ANAPC4: variants seen among roughly 807,000 people sequenced by gnomAD.
ANAPC4 encodes the protein anaphase promoting complex subunit 4, also known as anaphase-promoting complex subunit 4.
In ANAPC4, 63 loss-of-function variants were observed where a neutral mutation model predicts 119.8. The ratio of observed to expected loss-of-function variants is 0.53; its 90% CI spans 0.43 to 0.65. ANAPC4 has a LOEUF of 0.65. Ranked by LOEUF, ANAPC4 falls within the 30% of genes least tolerant of loss-of-function variation. The pLI is 0.00. For synonymous variants in ANAPC4, 283 were observed against 318.6 expected (o/e 0.89, Z 1.19); for missense variants, 716 against 945.1 (o/e 0.76, Z 3.18).
At chr4:25,399,998 G>A (rs73806547) in intron 16 of ANAPC4, among the ~76,000 whole-genome samples, 271 of 152,328 alleles carry the variant, frequency 1.8e-3, no homozygotes, top group African/African-American at 6.3e-3. Flanking sequence ...GAAACACCAA[G>A]AATAGAATAG....
At chr4:25,414,774 C>T (rs1723770803) in intron 25 of ANAPC4, 74 bp downstream of exon 25, 1 of 1,281,908 alleles carries the variant, frequency 7.8e-7, no homozygotes, top group African/African-American at 1.5e-5. Context: ...TACAGCCTTC[C>T]AGCATTTCAG....
chr4:25,390,311 T>C (rs1334044511), intron 8 of ANAPC4, 91 bp downstream of exon 8: 9 of 904,346 alleles, frequency 1.0e-5, no homozygotes, highest in Non-Finnish European at 1.5e-5. Context: ...CTAGGTTTTT[T>C]TTCAGTTTCG....
chr4:25,391,158 A>G, intron 9 of ANAPC4, 143 bp downstream of exon 9: 1 of 602,854 alleles, frequency 1.7e-6, no homozygotes, highest in South Asian at 2.3e-5. Context: ...ATCCTAATAT[A>G]CTGAGTGTTA....
intron 26 of ANAPC4, 29 bp downstream of exon 26, chr4:25,415,569 T>C (rs200933168): frequency 6.4e-6 from 10 of 1,564,708 alleles, no homozygotes; most frequent in Admixed American, 1.7e-5. Flanking sequence ...TTGGATGAAA[T>C]GTAGATACAT....
chr4:25,381,530 T>C (rs2109109196), intron 3 of ANAPC4, among the ~76,000 whole-genome samples: 2 of 152,246 alleles, frequency 1.3e-5, no homozygotes, highest in South Asian at 2.1e-4. Flanking sequence ...CAGGCTGGTC[T>C]CGAACGCCTG....
rs865990308 is a variant in ANAPC4 at position 25,385,661 on chromosome 4, T to G, written c.368+2268T>G. Among the ~76,000 whole-genome samples the G allele has an allele frequency of 1.6e-4, 24 of 152,370 alleles. 1 individual carries two copies. In the South Asian group the frequency reaches 2.3e-3, roughly 14 times the overall value. On this transcript the variant is annotated intron_variant, in intron 4 of 28. Transcript: ENST00000315368. ...GAACTTTTCCTTTGAATTCACAACTTGGAGGACTGGCAAAAGAAGCCTAGC... is the reference window on the plus strand; with the variant it reads ...GAACTTTTCCTTTGAATTCACAACTGGGAGGACTGGCAAAAGAAGCCTAGC...
intron 22 of ANAPC4, 198 bp downstream of exon 22, chr4:25,413,940 T>A: frequency 1.9e-6 from 1 of 530,522 alleles, no homozygotes; most frequent in South Asian, 3.0e-5. Flanking sequence ...CGTGTGTGTG[T>A]GTGTGTGTGT....
chr4:25,384,916 C>A (rs1318727270), intron 4 of ANAPC4, among the ~76,000 whole-genome samples: 2 of 152,138 alleles, frequency 1.3e-5, no homozygotes, highest in African/African-American at 4.8e-5. Context: ...TATCAGAGCT[C>A]TTGGGTGACC....
chr4:25,407,920 G>A (rs1168127847), intron 20 of ANAPC4, among the ~76,000 whole-genome samples: 1 of 151,928 alleles, frequency 6.6e-6, no homozygotes, highest in African/African-American at 2.4e-5. Context: ...AGAAAAAAAA[G>A]AATATACCCA....
In ANAPC4 at chr4:25,407,253, G is replaced by A; in HGVS notation, c.1431G>A (p.Gln477=). 1 of 1,605,056 alleles carries A rather than the reference G, an allele frequency of 6.2e-7. No individual in the cohort carries two copies. Among genetic ancestry groups the A allele is most frequent in the Non-Finnish European group, 8.5e-7 (1 of 1,177,032 alleles). ...GKYFNVERVG[Q]YLKDEDDDLV... is the part of the protein sequence containing the mutation. ...ACTTTAACGTTGAAAGAGTTGGTCA[G>A]GTATGGGCTTTGAACTCATTTTAAA... Residue 477 remains glutamine, a splice_region_variant and synonymous_variant, in exon 20 of 29, where the codon CAG becomes CAA. Transcript: ENST00000315368.
chr4:25,413,500 T>G, intron 21 of ANAPC4, 145 bp from the exon 22 acceptor site: 1 of 560,222 alleles, frequency 1.8e-6, no homozygotes, highest in Admixed American at 3.4e-5. Flanking sequence ...TTAATGAGGT[T>G]GTGTGAAAAT....
In ANAPC4 at chr4:25,383,419, T is replaced by C. The variant is rs181787523; in HGVS notation, c.368+26T>C. 2.3e-5 allele frequency: 36 copies of C among 1,552,464 alleles called. No homozygotes were observed. The African/African-American group carries it at 4.0e-4, about 17-fold the overall frequency. ...GTAATTAGAAAAACTTATGTAGTCA[T>C]AGGGTATTCATGAGATTTTTATTTT... On this transcript the variant is annotated intron_variant, in intron 4 of 28. Coordinates refer to ENST00000315368, the MANE Select transcript of ANAPC4 (RefSeq NM_013367.3).
intron 2 of ANAPC4, among the ~76,000 whole-genome samples, chr4:25,379,129 A>G (rs1478511200): frequency 1.3e-5 from 2 of 152,120 alleles, no homozygotes; most frequent in Non-Finnish European, 2.9e-5. Context: ...GAAGTTTAAA[A>G]TGGAGATTTT....
chr4:25,403,601 G>T (rs891758239), intron 17 of ANAPC4, among the ~76,000 whole-genome samples: 1 of 152,080 alleles, frequency 6.6e-6, no homozygotes, highest in Non-Finnish European at 1.5e-5. Context: ...TGATTATTTC[G>T]TCTTCTGTCT....
At chr4:25,407,826 T>C (rs28730343) in intron 20 of ANAPC4, among the ~76,000 whole-genome samples, 61,679 of 151,620 alleles carry the variant, frequency 0.41, 14,562 homozygotes, top group Non-Finnish European at 0.52. Flanking sequence ...ACCCAGGAGG[T>C]GGAGGTTGCA....
At chr4:25,414,283 A>G (rs763887248) in intron 22 of ANAPC4, 41 bp from the exon 23 acceptor site, 5 of 1,358,450 alleles carry the variant, frequency 3.7e-6, no homozygotes, top group Admixed American at 2.1e-5. Context: ...CTGTGTGCAT[A>G]TTAACGCTCT....
chr4:25,418,109 A>G (rs764071511), intron 28 of ANAPC4, 46 bp from the exon 29 acceptor site: 1 of 1,507,010 alleles, frequency 6.6e-7, no homozygotes, highest in Non-Finnish European at 9.1e-7. Flanking sequence ...TTTATATATG[A>G]TAAGCCATTA....
At position 25,388,517 on chromosome 4, in the gene ANAPC4, A is replaced by G; in HGVS notation, c.386A>G (p.Tyr129Cys). 1 of 1,598,936 alleles carries G rather than the reference A, an allele frequency of 6.3e-7. No individual in the cohort carries two copies. The change falls in exon 5 of 29, where the codon TAT becomes TGT. Residue 129 changes from tyrosine (Y) to cysteine (C), a missense_variant. By Grantham distance (194) the Tyr-to-Cys change is radical (BLOSUM62 -2). Coordinates refer to ENST00000315368, the MANE Select transcript of ANAPC4 (RefSeq NM_013367.3). ...TVESSVLTSFYNAEDESNLLL... is the reference protein window; with the variant it reads ...TVESSVLTSFCNAEDESNLLL... ...CTTTTTAGTGTTCTCACATCATTTT[A>G]TAATGCTGAGGATGAATCAAATCTT...
Position 25,377,326 on chromosome 4 carries a change from C to G in ANAPC4, c.-29C>G, listed in dbSNP as rs1721453149. ...AGGCCACTGGGGCCGTGTTAGTCTG[C>G]CGGTGGGGACTCTTGCAGGTACAGG... is the stretch of plus-strand genomic sequence containing the variant. On this transcript the variant is annotated 5_prime_UTR_variant, in exon 1 of 29. Coordinates refer to ENST00000315368, the MANE Select transcript of ANAPC4 (RefSeq NM_013367.3). 1.5e-5 allele frequency: 22 copies of G among 1,492,168 alleles called. No individual in the cohort carries two copies. The highest frequency in any genetic ancestry group is 1.9e-5 in the Non-Finnish European group (21 of 1,109,096). 92.4% of individuals were successfully genotyped at this position (1,492,168 alleles called of 1,614,324 possible).
Sources: allele counts gnomAD v4.1 joint callset (sites outside exome capture counted in the v4.1 genomes callset), GRCh38; gene constraint gnomAD v4.1.1; transcripts MANE v1.5; gene names NCBI Gene and HGNC (gene_info 2026-07-23, HGNC 2026-07-21).